The following HSPG2 variants were observed in gnomAD, a reference collection of about 807,000 sequenced individuals.
HSPG2 encodes the protein heparan sulfate proteoglycan 2, also known as basement membrane-specific heparan sulfate proteoglycan core protein.
A neutral mutation model predicts 526.6 loss-of-function variants in HSPG2; 278 were observed. That is an observed-to-expected ratio of 0.53 (90% CI 0.48 to 0.58). The LOEUF (loss-of-function observed/expected upper bound fraction) is 0.58, where lower values mean the gene tolerates loss of function less well. Among genes scored for constraint, HSPG2 ranks in the 20% least tolerant of loss-of-function variants. The pLI, the probability that HSPG2 is intolerant of heterozygous loss-of-function variation, is 0.00. For synonymous variants in HSPG2, 2,465 were observed against 2,555.4 expected (o/e 0.96, Z 1.07); for missense variants, 5,354 against 6,099.5 (o/e 0.88, Z 4.07).
chr1:21,860,819 G>A (rs1639730283), intron 39 of HSPG2, among the ~76,000 whole-genome samples: 1 of 152,200 alleles, frequency 6.6e-6, no homozygotes, highest in Non-Finnish European at 1.5e-5. Flanking sequence ...TGAATGCCAG[G>A]CATGTGCTAT....
chr1:21,879,965 A>G (rs1641371087), intron 17 of HSPG2, 142 bp downstream of exon 17: 2 of 1,016,166 alleles, frequency 2.0e-6, no homozygotes. Context: ...TATTTCTGTT[A>G]TTGCATCCAG....
Position 21,843,346 on chromosome 1 carries a change from C to A in HSPG2, c.8709G>T (p.Glu2903Asp). 1 of 1,614,146 alleles carries A rather than the reference C, an allele frequency of 6.2e-7. No individual in the cohort carries two copies. Reference sequence around the variant, plus strand: ...GCTCAATTGTGACCAGGACAGATGCCTCCAGGGTGCCTGAGCTTCCGGTCA... The same window carrying A: ...GCTCAATTGTGACCAGGACAGATGCATCCAGGGTGCCTGAGCTTCCGGTCA... ...CQVTGSSGTL[E>D]ASVLVTIEPS... Residue 2903 changes from glutamate to aspartate, a missense_variant, in exon 66 of 97, where the codon GAG (glutamate) becomes GAT (aspartate). Glu to Asp is a conservative substitution (Grantham distance 45). Transcript: ENST00000374695.
chr1:21,926,794 A>G (rs1177541117), intron 1 of HSPG2, among the ~76,000 whole-genome samples: 1 of 150,432 alleles, frequency 6.6e-6, no homozygotes, highest in Non-Finnish European at 1.5e-5. Context: ...AAAAAGAGAG[A>G]AAGAAAATGA....
At chr1:21,851,953 G>T (rs1210810042) in intron 53 of HSPG2, 27 bp from the exon 54 acceptor site, 3 of 1,604,316 alleles carry the variant, frequency 1.9e-6, no homozygotes, top group Non-Finnish European at 2.6e-6. Flanking sequence ...AGAGGTGTGA[G>T]GGGGGCTTCC....
chr1:21,837,069 A>G, intron 74 of HSPG2, 63 bp from the exon 75 acceptor site: 1 of 1,442,968 alleles, frequency 6.9e-7, no homozygotes. Context: ...ATGCCCCTCC[A>G]GGGACCCAGG....
intron 6 of HSPG2, among the ~76,000 whole-genome samples, chr1:21,889,454 G>C (rs532152959): frequency 6.6e-6 from 1 of 152,184 alleles, no homozygotes; most frequent in Non-Finnish European, 1.5e-5. Flanking sequence ...TGTCATCACA[G>C]GTTCTGGCAA....
chr1:21,850,130 T>A lies in HSPG2; in HGVS notation c.7357A>T (p.Thr2453Ser), dbSNP rs1158142440. The A allele has an allele frequency of 6.2e-7, 1 of 1,613,244 alleles. No individual in the cohort carries two copies. The change falls in exon 57 of 97, where the codon ACC becomes TCC. Residue 2453 changes from threonine to serine, a missense_variant. Transcript: ENST00000374695. ...GCAACGAGGCAGTTCAGGTCCAGGG[T>A]CTGCCCCTCGGCCACTTGCGAAGAC... ...SSSSQVAEGQ[T>S]LDLNCLVAGQ...
Position 21,839,006 on chromosome 1 carries a change from G to A in HSPG2, c.9969C>T (p.His3323=), listed in dbSNP as rs371466166. The part of the protein sequence containing the change: ...GETVQLQCLA[H]GTPPLTFQWS... ...ACTGGAAGGTGAGTGGGGGTGTCCCGTGAGCCAGGCACTGGAGCTGCACCG... is the reference window on the plus strand; with the variant it reads ...ACTGGAAGGTGAGTGGGGGTGTCCCATGAGCCAGGCACTGGAGCTGCACCG... Residue 3323 remains histidine, a synonymous_variant, in exon 74 of 97, where the codon CAC becomes CAT. Transcript: ENST00000374695. The surrounding 1 kb of genome is among the most constrained non-coding windows in gnomAD (Gnocchi z 4.5). 145 of 1,609,132 alleles carry A rather than the reference G, an allele frequency of 9.0e-5. No individual in the cohort carries two copies. Among genetic ancestry groups the A allele is most frequent in the Middle Eastern group, 1.6e-4 (1 of 6,068 alleles).
In HSPG2 at chr1:21,887,820, C is replaced by A. The variant is rs1045250091; in HGVS notation, c.703+118G>T. The A allele has an allele frequency of 1.9e-6, 3 of 1,569,338 alleles. No individual in the cohort carries two copies. The highest frequency in any genetic ancestry group is 4.5e-5 in the East Asian group (2 of 44,670). ...TGGCTCTGTCATCACCCTTCCTATG[C>A]CCCCATCCTCTGCCTGCACCAAACC... On this transcript the variant is annotated intron_variant, in intron 7 of 96. Coordinates refer to ENST00000374695, the MANE Select transcript of HSPG2 (RefSeq NM_005529.7). This position sits in a 1 kb window ranked among gnomAD's most constrained non-coding sequence, Gnocchi z 5.0.
chr1:21,830,106 G>C lies in HSPG2; in HGVS notation c.11672-15C>G. On this transcript the variant is annotated splice_polypyrimidine_tract_variant and intron_variant, in intron 85 of 96. Coordinates refer to ENST00000374695, the MANE Select transcript of HSPG2 (RefSeq NM_005529.7). ...CCCACAGGCCTCTGGGGGGCACATA[G>C]GCCAGTGAAAAGACACGGAGGTGAC... 6.3e-7 allele frequency: 1 copy of C among 1,579,456 alleles called. No homozygotes were observed. Among genetic ancestry groups the C allele is most frequent in the South Asian group, 1.1e-5 (1 of 87,150 alleles).
At position 21,889,553 on chromosome 1, in the gene HSPG2, G is replaced by T. The variant is rs145148633; in HGVS notation, c.574+428C>A. ...TGGACAAATTTAGATTTTCCTTTCT[G>T]GGCCTCAGTTCCCTCGTCTCTGAAA... On this transcript the variant is annotated intron_variant, in intron 6 of 96. Coordinates refer to ENST00000374695, the MANE Select transcript of HSPG2 (RefSeq NM_005529.7). 4.3e-4 allele frequency among the ~76,000 whole-genome samples: 65 copies of T among 150,546 alleles called. No homozygotes were observed. In the East Asian group the frequency reaches 0.011, roughly 25 times the overall value.
At chr1:21,915,368 A>C (rs1295774595) in intron 1 of HSPG2, among the ~76,000 whole-genome samples, 1 of 152,258 alleles carries the variant, frequency 6.6e-6, no homozygotes, top group Non-Finnish European at 1.5e-5. Flanking sequence ...TCCAGATGCC[A>C]GCAGCTGAAA....
At chr1:21,841,006 A>C (rs2098046152) in intron 71 of HSPG2, 95 bp downstream of exon 71, 1 of 1,150,892 alleles carries the variant, frequency 8.7e-7, no homozygotes, top group Non-Finnish European at 1.3e-6. Flanking sequence ...TCCACTCATC[A>C]CCACCTGCCC....
intron 1 of HSPG2, among the ~76,000 whole-genome samples, chr1:21,901,668 G>C (rs1643110129): frequency 6.6e-6 from 1 of 152,140 alleles, no homozygotes; most frequent in African/African-American, 2.4e-5. Flanking sequence ...CCCGCAGCTA[G>C]GCAGGAAGGT....
chr1:21,866,099 T>G (rs1160441510), intron 33 of HSPG2, among the ~76,000 whole-genome samples: 1 of 152,198 alleles, frequency 6.6e-6, no homozygotes, highest in Non-Finnish European at 1.5e-5. Context: ...ACTCCAGGTC[T>G]GCTTTCATTT....
rs778569997 is a variant in HSPG2 at position 21,830,031 on chromosome 1, C to T, written c.11732G>A (p.Arg3911His). Residue 3911 changes from arginine to histidine, a missense_variant, in exon 86 of 97, where the codon CGC (arginine) becomes CAC (histidine). By Grantham distance (29) the Arg-to-His change is conservative. Transcript: ENST00000374695. Reference sequence around the variant, plus strand: ...CAACCCCGAGCGGCCCAGGTGGCAGCGGCAGGTGTAGCCTCGACCGTCAGG... The same window carrying T: ...CAACCCCGAGCGGCCCAGGTGGCAGTGGCAGGTGTAGCCTCGACCGTCAGG... ...NRPDGRGYTC[R>H]CHLGRSGLRC... is the part of the protein sequence containing the mutation. The T allele has an allele frequency of 1.6e-5, 26 of 1,607,726 alleles. No individual in the cohort carries two copies. In the Admixed American group the frequency reaches 2.7e-4, roughly 17 times the overall value.
chr1:21,879,957 T>A (rs1641370711), intron 17 of HSPG2, 150 bp downstream of exon 17: 1 of 964,458 alleles, frequency 1.0e-6, no homozygotes, highest in Non-Finnish European at 1.6e-6. Flanking sequence ...CTGACCTATA[T>A]TTCTGTTATT....
Position 21,847,815 on chromosome 1 carries a change from C to T in HSPG2, c.7899G>A (p.Arg2633=). ...CCACCGTGGGGGAAGACGACTCGATCCTGATCGGTGGGGAGACGCTGGGCA... is the reference window on the plus strand; with the variant it reads ...CCACCGTGGGGGAAGACGACTCGATTCTGATCGGTGGGGAGACGCTGGGCA... ...SHVPSVSPPI[R]IESSSPTVVE... is the part of the protein sequence containing the mutation. The change falls in exon 61 of 97, where the codon AGG becomes AGA. Residue 2633 remains arginine, a synonymous_variant. Coordinates refer to ENST00000374695, the MANE Select transcript of HSPG2 (RefSeq NM_005529.7). The surrounding 1 kb of genome is among the most constrained non-coding windows in gnomAD (Gnocchi z 4.1). The T allele has an allele frequency of 6.2e-7, 1 of 1,613,922 alleles. No homozygotes were observed. Among genetic ancestry groups the T allele is most frequent in the Non-Finnish European group, 8.5e-7 (1 of 1,180,006 alleles).
intron 13 of HSPG2, among the ~76,000 whole-genome samples, chr1:21,882,773 G>A (rs959720228): frequency 7.2e-5 from 11 of 152,146 alleles, no homozygotes; most frequent in South Asian, 6.2e-4. Context: ...TCCAAAGGCC[G>A]TCCCTCCCGG....
Sources: gnomAD v4.1 joint callset for allele counts (sites outside exome capture counted in the v4.1 genomes callset) on GRCh38, gnomAD v4.1.1 for gene constraint, Gnocchi (gnomAD v3.1) non-coding constraint, MANE v1.5 for transcripts, NCBI Gene and HGNC (gene_info 2026-07-23, HGNC 2026-07-21) for gene names.